The following NTRK3 variants were observed in gnomAD, a reference collection of about 807,000 sequenced individuals.
The protein encoded by NTRK3 is neurotrophic receptor tyrosine kinase 3.
In NTRK3, 24 loss-of-function variants were observed where a neutral mutation model predicts 91.7. The ratio of observed to expected loss-of-function variants is 0.26; its 90% confidence interval spans 0.19 to 0.37. NTRK3 has a LOEUF of 0.37. Ranked by LOEUF, NTRK3 falls within the 10% of genes least tolerant of loss-of-function variation. The probability of loss-of-function intolerance (pLI) is 1.00; values close to 1 mark genes in which losing one functional copy is unlikely to be tolerated. For missense variants in NTRK3, 880 were observed against 1,068.9 expected, an observed-to-expected ratio of 0.82 and a Z score of 2.46; for synonymous variants, 483 against 404.0, an observed-to-expected ratio of 1.20 and a Z score of -2.34.
At chr15:88,147,147 G>A (rs990701962) in intron 6 of NTRK3, among the ~76,000 whole-genome samples, 188 bp downstream of exon 6, 1 of 152,120 alleles carries the variant, frequency 6.6e-6, no homozygotes, top group Non-Finnish European at 1.5e-5. Context: ...CCCAGAAAGA[G>A]CATCCGAAGT....
At chr15:88,247,448 G>A (rs939439839) in intron 3 of NTRK3, among the ~76,000 whole-genome samples, 3 of 152,110 alleles carry the variant, frequency 2.0e-5, no homozygotes, top group African/African-American at 7.2e-5. Flanking sequence ...ATTTTCTGAG[G>A]CCCTTTCCAG....
intron 17 of NTRK3, among the ~76,000 whole-genome samples, chr15:87,889,690 T>A (rs1398877698): frequency 6.6e-6 from 1 of 152,150 alleles, no homozygotes; most frequent in East Asian, 1.9e-4. Flanking sequence ...ATATTTACTA[T>A]GTGATCTTTT....
chr15:88,104,196 T>A (rs1253090399), intron 13 of NTRK3, among the ~76,000 whole-genome samples: 1 of 152,218 alleles, frequency 6.6e-6, no homozygotes, highest in Non-Finnish European at 1.5e-5. Context: ...CAGGGACACA[T>A]CCACCTTTGA....
chr15:88,150,205 G>A (rs2043246817), intron 5 of NTRK3, among the ~76,000 whole-genome samples: 2 of 152,302 alleles, frequency 1.3e-5, no homozygotes, highest in East Asian at 3.9e-4. Context: ...AGCAGTCCAG[G>A]TGAAATGGGC....
chr15:88,016,867 T>C (rs2077267298), intron 14 of NTRK3, among the ~76,000 whole-genome samples: 1 of 151,764 alleles, frequency 6.6e-6, no homozygotes, highest in Admixed American at 6.6e-5. Context: ...TATTTTTTTT[T>C]CTTTCATAAA....
chr15:87,940,918 T>C (rs2069776801), intron 14 of NTRK3, among the ~76,000 whole-genome samples, 165 bp from the exon 15 acceptor site: 1 of 152,188 alleles, frequency 6.6e-6, no homozygotes, highest in Admixed American at 6.5e-5. Flanking sequence ...GACATCCCTC[T>C]GTGGTTTGAG....
chr15:88,081,619 G>C (rs1047834381), intron 13 of NTRK3, among the ~76,000 whole-genome samples: 2 of 152,204 alleles, frequency 1.3e-5, no homozygotes, highest in African/African-American at 4.8e-5. Flanking sequence ...AAGGGTAGGA[G>C]GCAAGGGCTG....
chr15:88,032,903 G>C (rs1369451700), exon 14 of NTRK3: 1 of 1,613,704 alleles, frequency 6.2e-7, no homozygotes, highest in African/African-American at 1.3e-5. Context: ...AGTACTGGGG[G>C]TTCTCAATGA....
chr15:88,183,747 A>G (rs2046721502), intron 4 of NTRK3, among the ~76,000 whole-genome samples: 1 of 152,176 alleles, frequency 6.6e-6, no homozygotes, highest in East Asian at 1.9e-4. Flanking sequence ...CATCCTGGCC[A>G]GTAGGTAAGG....
intron 14 of NTRK3, 83 bp from the exon 15 acceptor site, chr15:87,940,836 C>A (rs781028644): frequency 7.5e-6 from 12 of 1,601,574 alleles, no homozygotes; most frequent in Middle Eastern, 3.3e-4. Context: ...AGAGGTCTAG[C>A]GTGGAGAACT....
chr15:88,002,542 G>A (rs1163485723), intron 14 of NTRK3, among the ~76,000 whole-genome samples: 1 of 152,046 alleles, frequency 6.6e-6, no homozygotes, highest in African/African-American at 2.4e-5. Context: ...TGAGATCTCT[G>A]CTTTAATTCT....
At chr15:88,043,770 A>C (rs1462423394) in intron 13 of NTRK3, among the ~76,000 whole-genome samples, 1 of 152,176 alleles carries the variant, frequency 6.6e-6, no homozygotes, top group African/African-American at 2.4e-5. Flanking sequence ...AATGAGTTAG[A>C]AGAGAAAGAG....
chr15:88,043,361 A>G (rs2079843236), intron 13 of NTRK3, among the ~76,000 whole-genome samples: 1 of 152,212 alleles, frequency 6.6e-6, no homozygotes, highest in Non-Finnish European at 1.5e-5. Flanking sequence ...AAATTTCAAC[A>G]TGTCTAAATT....
chr15:87,969,734 C>G (rs1246298394), intron 14 of NTRK3, among the ~76,000 whole-genome samples: 1 of 152,236 alleles, frequency 6.6e-6, no homozygotes, highest in Non-Finnish European at 1.5e-5. Flanking sequence ...AATGACCCCT[C>G]AAGCTTTAAC....
intron 13 of NTRK3, among the ~76,000 whole-genome samples, chr15:88,075,809 A>C (rs1486576846): frequency 2.6e-5 from 4 of 152,206 alleles, no homozygotes; most frequent in Non-Finnish European, 5.9e-5. Context: ...GTGTCACATG[A>C]GAGTCCCAAT....
chr15:88,108,813 C>T (rs1303891003), intron 13 of NTRK3, among the ~76,000 whole-genome samples: 1 of 152,164 alleles, frequency 6.6e-6, no homozygotes, highest in African/African-American at 2.4e-5. Context: ...AGGAGCTTGG[C>T]AGAAATGCAG....
chr15:87,929,132 A>G (rs1286347648), intron 17 of NTRK3, 59 bp downstream of exon 17: 1 of 1,613,520 alleles, frequency 6.2e-7, no homozygotes, highest in Admixed American at 1.7e-5. Flanking sequence ...AATGAAAAAG[A>G]CATGTAAGCA....
At chr15:87,876,172 G>C (rs545243060) in exon 19 of NTRK3, 4 of 233,490 alleles carry the variant, frequency 1.7e-5, no homozygotes, top group African/African-American at 8.8e-5. Context: ...CCAGCAAGAA[G>C]CTTACACCCA....
At chr15:87,941,343 A>G (rs1178862411) in intron 14 of NTRK3, among the ~76,000 whole-genome samples, 2 of 152,218 alleles carry the variant, frequency 1.3e-5, no homozygotes, top group Non-Finnish European at 2.9e-5. Context: ...TGGGATTAAC[A>G]AGAACAACTT....
Sources: allele counts gnomAD v4.1 joint callset (sites outside exome capture counted in the v4.1 genomes callset), GRCh38; gene constraint gnomAD v4.1.1; transcripts MANE v1.5; gene names NCBI Gene and HGNC (gene_info 2026-07-23, HGNC 2026-07-21).